DCAF16: variants seen among roughly 807,000 people sequenced by gnomAD.
The protein encoded by DCAF16 is DDB1 and CUL4 associated factor 16.
In DCAF16, 10 loss-of-function variants were observed where a neutral mutation model predicts 17.3. The observed-to-expected ratio is 0.58, with a 90% CI of 0.36 to 0.98. The LOEUF is 0.98. DCAF16 is among the 50% of genes least tolerant of loss of function. The pLI is 0.01. For missense variants in DCAF16, 249 were observed against 247.6 expected (o/e 1.01, Z -0.04); for synonymous variants, 111 against 92.8 (o/e 1.20, Z -1.12).
In DCAF16 at chr4:17,804,227, G is replaced by C. The variant is rs1423835477; in HGVS notation, c.-86C>G. On this transcript the variant is annotated 5_prime_UTR_variant, in exon 3 of 3. It adds an upstream start codon to the 5' untranslated region. Transcript: ENST00000382247. ...CTAACACTGGCAAATAGAAATAAGA[G>C]ATGAAAAATCCTTTCACCAAGATTA... 2 of 1,164,494 alleles carry C rather than the reference G, an allele frequency of 1.7e-6. No individual in the cohort carries two copies. Among genetic ancestry groups the C allele is most frequent in the Non-Finnish European group, 2.4e-6 (2 of 818,394 alleles). The allele number at this position is 1,164,494 out of a possible 1,614,324, so 72.1% of individuals were successfully genotyped here.
chr4:17,808,858 G>A (rs543412954), intron 1 of DCAF16, among the ~76,000 whole-genome samples: 2 of 152,224 alleles, frequency 1.3e-5, no homozygotes, highest in East Asian at 1.9e-4. Flanking sequence ...GCGAAACCCC[G>A]TCTCTATTAA....
In DCAF16 at chr4:17,801,705, G is replaced by C. The variant is rs924509528; in HGVS notation, c.*1786C>G. On this transcript the variant is annotated 3_prime_UTR_variant, in exon 3 of 3. Transcript: ENST00000382247. ...TAAACAAAACAAGACTCATTTACAA[G>C]GGCATATACTCTTCCTTGTTTGGCC... The C allele has an allele frequency of 1.3e-5, 2 of 152,030 alleles. No homozygotes were observed. The highest frequency in any genetic ancestry group is 1.3e-4 in the Admixed American group (2 of 15,258). 9.4% of individuals were successfully genotyped at this position (152,030 alleles called of 1,614,324 possible).
At chr4:17,799,798 G>T (rs138941384), downstream of DCAF16, among the ~76,000 whole-genome samples, 368 of 152,262 alleles carry the variant, frequency 2.4e-3, 2 homozygotes, top group Non-Finnish European at 3.2e-3. Context: ...AAGCAGATGG[G>T]ATTAAAAGAC....
At chr4:17,806,310 A>G (rs565191721) in intron 1 of DCAF16, among the ~76,000 whole-genome samples, 67 of 152,322 alleles carry the variant, frequency 4.4e-4, no homozygotes, top group Non-Finnish European at 7.5e-4. Context: ...AAAAGTTGGT[A>G]CTTTTATTGT....
At chr4:17,809,301 A>C (rs1278130475) in intron 1 of DCAF16, 2 of 152,220 alleles carry the variant, frequency 1.3e-5, no homozygotes, top group African/African-American at 4.8e-5. Context: ...TCTGGCACAT[A>C]ATAAAGGTTA....
At chr4:17,810,231 T>C (rs1720770968) in intron 1 of DCAF16, among the ~76,000 whole-genome samples, 1 of 152,218 alleles carries the variant, frequency 6.6e-6, no homozygotes, top group African/African-American at 2.4e-5. Context: ...GAAAGACCTT[T>C]CCATTCTCTT....
chr4:17,796,990 G>A (rs1408368544), downstream of DCAF16, among the ~76,000 whole-genome samples: 4 of 152,004 alleles, frequency 2.6e-5, no homozygotes, highest in Non-Finnish European at 4.4e-5. Flanking sequence ...AGAGATGGGC[G>A]GTTGCTCTGG....
At chr4:17,798,852 T>C (rs1719556780), downstream of DCAF16, among the ~76,000 whole-genome samples, 1 of 152,220 alleles carries the variant, frequency 6.6e-6, no homozygotes, top group Non-Finnish European at 1.5e-5. Flanking sequence ...AACTCAACTG[T>C]ATTTAAAATT....
chr4:17,800,590 T>C (rs1459337213), downstream of DCAF16: 1 of 152,650 alleles, frequency 6.6e-6, no homozygotes, highest in Non-Finnish European at 1.5e-5. Flanking sequence ...ACTTAGTGAA[T>C]GTAGAATATG....
chr4:17,803,327 G>T lies in DCAF16; in HGVS notation c.*164C>A. On this transcript the variant is annotated 3_prime_UTR_variant, in exon 3 of 3. Transcript: ENST00000382247. Reference sequence around the variant, plus strand: ...GGTGTGAGCCACCATGCCTGACCTTGATATTATCATTTTATCCACAGGGTT... The same window carrying T: ...GGTGTGAGCCACCATGCCTGACCTTTATATTATCATTTTATCCACAGGGTT... 1 of 687,154 alleles carries T rather than the reference G, an allele frequency of 1.5e-6. No homozygotes were observed. The highest frequency in any genetic ancestry group is 2.5e-6 in the Non-Finnish European group (1 of 406,784). 42.6% of individuals were successfully genotyped at this position (687,154 alleles called of 1,614,324 possible).
rs148625569 is a variant in DCAF16, at chr4:17,801,178, G to A, written c.*2313C>T. 1.1e-4 allele frequency: 16 copies of A among 152,036 alleles called. No homozygotes were observed. Among genetic ancestry groups the A allele is most frequent in the African/African-American group, 3.4e-4 (14 of 41,442 alleles). The allele number at this position is 152,036 out of a possible 1,614,324, so 9.4% of individuals were successfully genotyped here. ...CGGTGTCTCACTGTTGCCCAGGCTG[G>A]AGTGCAGTGGCGCGATCTCAGCTCA... On this transcript the variant is annotated 3_prime_UTR_variant, in exon 3 of 3. Transcript: ENST00000382247.
rs997765779 is a variant in DCAF16, at chr4:17,804,545, G to A, written c.-404C>T. ...GAGACACTTTTTGTGCTGTTTTGCT[G>A]GCAGTGATATTATATCTACTTGACA... is the stretch of plus-strand genomic sequence containing the variant. On this transcript the variant is annotated 5_prime_UTR_variant, in exon 3 of 3. Transcript: ENST00000382247. 1.0e-5 allele frequency: 2 copies of A among 197,480 alleles called. No homozygotes were observed. The highest frequency in any genetic ancestry group is 4.8e-5 in the African/African-American group (2 of 41,922). The allele number at this position is 197,480 out of a possible 1,614,324, so 12.2% of individuals were successfully genotyped here.
downstream of DCAF16, among the ~76,000 whole-genome samples, chr4:17,797,143 C>T (rs576842569): frequency 3.3e-5 from 5 of 152,174 alleles, no homozygotes; most frequent in South Asian, 1.0e-3. Flanking sequence ...TAGTCAATTA[C>T]TTAGACATAA....
the DCAF16 span, among the ~76,000 whole-genome samples, chr4:17,795,464 CT>C: frequency 2.4e-5 from 3 of 127,544 alleles, no homozygotes; most frequent in Middle Eastern, 3.7e-3. Context: ...TCTTCACCTT[CT>C]TTCTCTGTTC....
chr4:17,793,776 G>A, the DCAF16 span, among the ~76,000 whole-genome samples: 12 of 151,998 alleles, frequency 7.9e-5, no homozygotes, highest in East Asian at 1.9e-4. Context: ...ATCTTGATAC[G>A]AATGTATACA....
downstream of DCAF16, among the ~76,000 whole-genome samples, chr4:17,796,661 C>T (rs879675589): frequency 6.6e-5 from 10 of 152,128 alleles, no homozygotes; most frequent in Admixed American, 3.9e-4. Flanking sequence ...GAGCCGAGAT[C>T]GCACCACTGC....
Position 17,804,267 on chromosome 4 carries a change from C to A in DCAF16, c.-126G>T, listed in dbSNP as rs189326181. 172 of 764,350 alleles carry A rather than the reference C, an allele frequency of 2.3e-4. 1 individual carries two copies. Among genetic ancestry groups the A allele is most frequent in the Admixed American group, 1.9e-3 (66 of 35,144 alleles). 47.3% of individuals were successfully genotyped at this position (764,350 alleles called of 1,614,324 possible). On this transcript the variant is annotated 5_prime_UTR_variant, in exon 3 of 3. Coordinates refer to ENST00000382247, the MANE Select transcript of DCAF16 (RefSeq NM_017741.4). ...CACCAAGATTAATTTGTCTTTCAGT[C>A]CGTTACACACATAAAGTATGCTTGT...
Position 17,803,700 on chromosome 4 carries a change from C to T in DCAF16, c.442G>A (p.Ala148Thr). The change falls in exon 3 of 3, where the codon GCC becomes ACC. Residue 148 changes from alanine to threonine, a missense_variant. By Grantham distance (58) the Ala-to-Thr change is moderately conservative. Transcript: ENST00000382247. ...HATLNGALQFATKQLSRTLSR... is the reference protein window; with the variant it reads ...HATLNGALQFTTKQLSRTLSR... ...AATGTTCGGCTTAGCTGTTTGGTGGCAAATTGCAGTGCTCCATTTAGAGTG... is the reference window on the plus strand; with the variant it reads ...AATGTTCGGCTTAGCTGTTTGGTGGTAAATTGCAGTGCTCCATTTAGAGTG... The T allele has an allele frequency of 6.2e-7, 1 of 1,614,140 alleles. No individual in the cohort carries two copies. Among genetic ancestry groups the T allele is most frequent in the Non-Finnish European group, 8.5e-7 (1 of 1,180,032 alleles).
downstream of DCAF16, among the ~76,000 whole-genome samples, chr4:17,797,499 G>T (rs766967260): frequency 2.6e-5 from 4 of 152,184 alleles, no homozygotes; most frequent in Admixed American, 6.5e-5. Context: ...CAAGCCATGG[G>T]AGTCTACTTA....
Sources: gnomAD v4.1 joint callset for allele counts (sites outside exome capture counted in the v4.1 genomes callset) on GRCh38, gnomAD v4.1.1 for gene constraint, MANE v1.5 for transcripts, NCBI Gene and HGNC (gene_info 2026-07-23, HGNC 2026-07-21) for gene names.